Variants in USP12 observed in about 807,000 individuals in gnomAD.
USP12 encodes the protein ubiquitin specific peptidase 12, also known as ubiquitin carboxyl-terminal hydrolase 12.
Under a neutral mutation model 45.5 loss-of-function variants are expected in USP12, and 19 were observed. The ratio of observed to expected loss-of-function variants is 0.42; its 90% CI spans 0.29 to 0.61. The LOEUF is 0.61. Among genes scored for constraint, USP12 ranks in the 20% least tolerant of loss-of-function variants. USP12 has a pLI of 0.22. For missense variants in USP12, 242 were observed against 447.7 expected, an observed-to-expected ratio of 0.54 and a Z score of 4.15; for synonymous variants, 149 against 148.8, an observed-to-expected ratio of 1.00 and a Z score of -0.01.
In USP12 at chr13:27,067,462, A is replaced by G. The variant is rs1390250103; in HGVS notation, c.*1821T>C. On this transcript the variant is annotated 3_prime_UTR_variant, in exon 9 of 9. Coordinates refer to ENST00000282344, the MANE Select transcript of USP12 (RefSeq NM_182488.4). ...TGTACAAAACACCTCTAGCCAGGGT[A>G]AGGCTTTAGGAACTATCTTAAAAAG... is the stretch of plus-strand genomic sequence containing the variant. The G allele has an allele frequency of 6.6e-6, 1 of 152,212 alleles. No individual in the cohort carries two copies. Among genetic ancestry groups the G allele is most frequent in the Non-Finnish European group, 1.5e-5 (1 of 68,028 alleles). 9.4% of individuals were successfully genotyped at this position (152,212 alleles called of 1,614,324 possible).
At chr13:27,116,737 T>G in intron 1 of USP12, 141 bp from the exon 2 acceptor site, 1 of 603,336 alleles carries the variant, frequency 1.7e-6, no homozygotes, top group Non-Finnish European at 2.7e-6. Flanking sequence ...CTTTATCCTT[T>G]ACACCGTATT....
chr13:27,081,816 A>C (rs1873772827), intron 6 of USP12, among the ~76,000 whole-genome samples: 1 of 152,274 alleles, frequency 6.6e-6, no homozygotes, highest in African/African-American at 2.4e-5. Context: ...GTGCGTCTCC[A>C]TCAGAGCTCT....
At chr13:27,127,815 A>T (rs144575903) in intron 1 of USP12, among the ~76,000 whole-genome samples, 1 of 152,364 alleles carries the variant, frequency 6.6e-6, no homozygotes, top group East Asian at 1.9e-4. Context: ...TCACTGCGCA[A>T]GTAACTGCAA....
chr13:27,074,484 A>G (rs1873389835), intron 7 of USP12, among the ~76,000 whole-genome samples: 1 of 152,192 alleles, frequency 6.6e-6, no homozygotes, highest in African/African-American at 2.4e-5. Context: ...TTTGGATAAA[A>G]CATGCTGTTA....
chr13:27,160,863 T>C (rs925169107), intron 1 of USP12, among the ~76,000 whole-genome samples: 2 of 151,674 alleles, frequency 1.3e-5, no homozygotes, highest in African/African-American at 4.8e-5. Flanking sequence ...GGTAAACGTA[T>C]CATGGTGGTT....
intron 1 of USP12, among the ~76,000 whole-genome samples, chr13:27,156,296 G>A (rs563477459): frequency 6.5e-4 from 98 of 151,204 alleles, no homozygotes; most frequent in African/African-American, 2.3e-3. Flanking sequence ...AAGGATGGAA[G>A]AACATGTTAA....
At chr13:27,160,996 C>T (rs1878082497) in intron 1 of USP12, among the ~76,000 whole-genome samples, 4 of 152,238 alleles carry the variant, frequency 2.6e-5, no homozygotes, top group Non-Finnish European at 4.4e-5. Flanking sequence ...CTCCACAAAG[C>T]GTCATCTTTC....
intron 1 of USP12, among the ~76,000 whole-genome samples, chr13:27,146,295 G>A (rs539237089): frequency 2.0e-5 from 3 of 152,140 alleles, no homozygotes; most frequent in East Asian, 3.9e-4. Flanking sequence ...CCAGCTACTC[G>A]GGAGACTGAG....
chr13:27,080,799 A>G (rs915978015), intron 6 of USP12, among the ~76,000 whole-genome samples: 9 of 152,216 alleles, frequency 5.9e-5, no homozygotes, highest in African/African-American at 2.2e-4. Context: ...TATAAAGGTT[A>G]TGCTTATACT....
At chr13:27,153,306 CA>C (rs1197213129) in intron 1 of USP12, among the ~76,000 whole-genome samples, 1 of 150,110 alleles carries the variant, frequency 6.7e-6, no homozygotes. Context: ...GACTCCGTCT[CA>C]AAAAAAAATA....
intron 1 of USP12, among the ~76,000 whole-genome samples, chr13:27,149,370 C>G (rs1877464471): frequency 1.3e-5 from 2 of 152,156 alleles, no homozygotes; most frequent in South Asian, 4.1e-4. Flanking sequence ...CTACTCAATA[C>G]TGTACCATAG....
chr13:27,153,355 C>G (rs909550937), intron 1 of USP12, among the ~76,000 whole-genome samples: 1 of 152,198 alleles, frequency 6.6e-6, no homozygotes, highest in Non-Finnish European at 1.5e-5. Flanking sequence ...AACTCAAATT[C>G]ACTTTTAAAG....
At chr13:27,091,409 A>G (rs1488588167) in intron 4 of USP12, among the ~76,000 whole-genome samples, 1 of 152,218 alleles carries the variant, frequency 6.6e-6, no homozygotes, top group Non-Finnish European at 1.5e-5. Context: ...TGATCATGTA[A>G]AAACCTAGAC....
At chr13:27,171,206 G>T (rs1329155362) in intron 1 of USP12, among the ~76,000 whole-genome samples, 3 of 150,216 alleles carry the variant, frequency 2.0e-5, no homozygotes, top group Non-Finnish European at 4.5e-5. Context: ...TGGCTCGCGC[G>T]CGCCCACCCC....
intron 1 of USP12, among the ~76,000 whole-genome samples, chr13:27,151,173 A>AT (rs1566004548): frequency 6.6e-6 from 1 of 152,000 alleles, no homozygotes; most frequent in Non-Finnish European, 1.5e-5. Context: ...TACTAAAAAT[A>AT]CAAAAAAATT....
In USP12 at chr13:27,068,522, A is replaced by G. The variant is rs1873094703; in HGVS notation, c.*761T>C. 1 of 152,366 alleles carries G rather than the reference A, an allele frequency of 6.6e-6. No individual in the cohort carries two copies. Among genetic ancestry groups the G allele is most frequent in the African/African-American group, 2.4e-5 (1 of 41,478 alleles). 9.4% of individuals were successfully genotyped at this position (152,366 alleles called of 1,614,324 possible). On this transcript the variant is annotated 3_prime_UTR_variant, in exon 9 of 9. Coordinates refer to ENST00000282344, the MANE Select transcript of USP12 (RefSeq NM_182488.4). Reference sequence around the variant, plus strand: ...AAACAAAAGGACAACTTAAACTGACATTAACTAATAAAAATATGTTCAAAT... The same window carrying G: ...AAACAAAAGGACAACTTAAACTGACGTTAACTAATAAAAATATGTTCAAAT...
chr13:27,125,578 T>C (rs1876190574), intron 1 of USP12, among the ~76,000 whole-genome samples: 1 of 152,110 alleles, frequency 6.6e-6, no homozygotes, highest in Non-Finnish European at 1.5e-5. Flanking sequence ...CCATCTGAGG[T>C]ACCTGGTTCA....
chr13:27,127,877 A>G (rs1479042030), intron 1 of USP12, among the ~76,000 whole-genome samples: 2 of 152,268 alleles, frequency 1.3e-5, no homozygotes, highest in Admixed American at 1.3e-4. Context: ...CAAGTTACAT[A>G]TCTGAATCAA....
intron 2 of USP12, among the ~76,000 whole-genome samples, chr13:27,108,969 T>C (rs1875288982): frequency 1.3e-5 from 2 of 152,170 alleles, no homozygotes; most frequent in South Asian, 4.1e-4. Flanking sequence ...TGTGTGTGTG[T>C]GTATATACAC....
Sources: allele counts gnomAD v4.1 joint callset (sites outside exome capture counted in the v4.1 genomes callset), GRCh38; gene constraint gnomAD v4.1.1; transcripts MANE v1.5; gene names NCBI Gene and HGNC (gene_info 2026-07-23, HGNC 2026-07-21).